FBXL17: variants seen among roughly 807,000 people sequenced by gnomAD.
FBXL17 encodes F-box and leucine rich repeat protein 17, also known as F-box/LRR-repeat protein 17.
FBXL17 carries 22 observed loss-of-function variants against 66.2 expected under a neutral mutation model. The ratio of observed to expected loss-of-function variants is 0.33; its 90% CI spans 0.24 to 0.47. The LOEUF is 0.47. Among genes scored for constraint, FBXL17 ranks in the 20% least tolerant of loss-of-function variants. The pLI is 1.00. For synonymous variants in FBXL17, 474 were observed against 400.5 expected (o/e 1.18, Z -2.19); for missense variants, 878 against 948.2 (o/e 0.93, Z 0.97).
chr5:107,892,178 T>A (rs1749216650), intron 7 of FBXL17, among the ~76,000 whole-genome samples: 1 of 152,154 alleles, frequency 6.6e-6, no homozygotes, highest in South Asian at 2.1e-4. Flanking sequence ...CTACTGAATG[T>A]GTATTGCTTT....
chr5:107,968,576 C>T (rs1447490075), intron 7 of FBXL17, among the ~76,000 whole-genome samples: 1 of 152,048 alleles, frequency 6.6e-6, no homozygotes, highest in Non-Finnish European at 1.5e-5. Context: ...AAATTTTGTT[C>T]TTACTTTTAA....
chr5:108,243,710 A>C (rs1159378489), intron 4 of FBXL17, among the ~76,000 whole-genome samples: 1 of 152,220 alleles, frequency 6.6e-6, no homozygotes. Flanking sequence ...ACGGTTAAAG[A>C]CTAAAAAAGA....
At chr5:108,330,495 G>A (rs959860157) in intron 4 of FBXL17, among the ~76,000 whole-genome samples, 2 of 151,876 alleles carry the variant, frequency 1.3e-5, no homozygotes, top group African/African-American at 4.8e-5. Context: ...AACCTTCTAG[G>A]CCAACTGTTT....
At chr5:108,074,901 C>T (rs2149912532) in intron 6 of FBXL17, among the ~76,000 whole-genome samples, 1 of 152,288 alleles carries the variant, frequency 6.6e-6, no homozygotes, top group Non-Finnish European at 1.5e-5. Flanking sequence ...CTACAGGAGG[C>T]TACTCCTTTC....
chr5:108,069,286 A>G (rs1027266517), intron 6 of FBXL17, among the ~76,000 whole-genome samples: 2 of 152,226 alleles, frequency 1.3e-5, no homozygotes, highest in African/African-American at 4.8e-5. Context: ...GGTGGATATC[A>G]AAGATTTAGG....
intron 6 of FBXL17, among the ~76,000 whole-genome samples, chr5:108,087,085 C>T (rs2149925519): frequency 6.6e-6 from 1 of 152,282 alleles, no homozygotes; most frequent in East Asian, 1.9e-4. Context: ...GTCCAGAACA[C>T]TCTGGTGAAT....
intron 3 of FBXL17, among the ~76,000 whole-genome samples, chr5:108,353,119 T>C (rs1747754196): frequency 6.6e-6 from 1 of 152,204 alleles, no homozygotes; most frequent in African/African-American, 2.4e-5. Flanking sequence ...TTTCTGGTTT[T>C]CAGTCTGGCA....
chr5:108,266,647 G>GA (rs1757057691), intron 4 of FBXL17, among the ~76,000 whole-genome samples: 1 of 151,892 alleles, frequency 6.6e-6, no homozygotes, highest in South Asian at 2.1e-4. Context: ...TTGGACTTAA[G>GA]AAAAAAATGG....
chr5:107,970,957 C>G (rs1236123329), intron 7 of FBXL17, among the ~76,000 whole-genome samples: 1 of 151,908 alleles, frequency 6.6e-6, no homozygotes, highest in Non-Finnish European at 1.5e-5. Context: ...ATGATATGCC[C>G]GACAGAATCT....
At chr5:108,322,939 T>C (rs568390887) in intron 4 of FBXL17, among the ~76,000 whole-genome samples, 22 of 152,100 alleles carry the variant, frequency 1.4e-4, no homozygotes, top group African/African-American at 5.3e-4. Flanking sequence ...AATGTGTACA[T>C]TGGATGTGAC....
intron 4 of FBXL17, among the ~76,000 whole-genome samples, chr5:108,294,999 A>C (rs185527290): frequency 6.6e-6 from 1 of 152,096 alleles, no homozygotes; most frequent in African/African-American, 2.4e-5. Flanking sequence ...TTTGTTCTTA[A>C]CAGTATTTAT....
intron 7 of FBXL17, among the ~76,000 whole-genome samples, chr5:107,916,240 A>G (rs776103031): frequency 6.6e-6 from 1 of 152,198 alleles, no homozygotes; most frequent in Non-Finnish European, 1.5e-5. Flanking sequence ...GGTTTTATGA[A>G]ATGTAAGGCC....
intron 4 of FBXL17, among the ~76,000 whole-genome samples, chr5:108,229,315 T>A (rs1160735951): frequency 3.9e-5 from 6 of 152,102 alleles, no homozygotes; most frequent in Non-Finnish European, 5.9e-5. Flanking sequence ...AAGTTCAAAC[T>A]ATACTGTAAG....
rs533806029 is a variant in FBXL17, at chr5:108,288,527, C to G, written c.1506+59872G>C. 3.4e-5 allele frequency among the ~76,000 whole-genome samples: 4 copies of G among 116,774 alleles called. No individual in the cohort carries two copies. In the South Asian group the frequency reaches 8.7e-4, roughly 25 times the overall value. The allele number at this position is 116,774 out of a possible 152,430, so 76.6% of individuals were successfully genotyped here. On this transcript the variant is annotated intron_variant, in intron 4 of 8. Transcript: ENST00000542267. ...GTTACAAAAAGGAGGGAAAACCGAA[C>G]ATAGTACATTATGTAGCTCTATTGC... is the stretch of plus-strand genomic sequence containing the variant.
intron 7 of FBXL17, among the ~76,000 whole-genome samples, chr5:107,896,856 AT>A (rs58525593): frequency 0.86 from 129,887 of 151,732 alleles, 55,966 homozygotes; most frequent in African/African-American, 0.96. Flanking sequence ...AAAATTTGGC[AT>A]TTTTTTTGTG....
chr5:108,241,174 C>G (rs1356296784), intron 4 of FBXL17, among the ~76,000 whole-genome samples: 1 of 152,172 alleles, frequency 6.6e-6, no homozygotes, highest in African/African-American at 2.4e-5. Context: ...AGTGATCAAT[C>G]CTTGTGAGAC....
chr5:108,323,252 C>G (rs962332999), intron 4 of FBXL17, among the ~76,000 whole-genome samples: 1 of 150,892 alleles, frequency 6.6e-6, no homozygotes, highest in Non-Finnish European at 1.5e-5. Flanking sequence ...ATGACTTCAG[C>G]AAAGTTGTAG....
intron 6 of FBXL17, among the ~76,000 whole-genome samples, chr5:108,133,658 A>G (rs1751021028): frequency 6.6e-6 from 1 of 152,158 alleles, no homozygotes; most frequent in Non-Finnish European, 1.5e-5. Context: ...AAAGGAAGGA[A>G]AAAACGTTGG....
chr5:107,868,451 C>T (rs545692312), intron 8 of FBXL17, among the ~76,000 whole-genome samples: 2 of 152,350 alleles, frequency 1.3e-5, no homozygotes, highest in East Asian at 1.9e-4. Context: ...TTGCATGAGA[C>T]TTTGAAGCAT....
Sources: gnomAD v4.1 joint callset for allele counts (sites outside exome capture counted in the v4.1 genomes callset) on GRCh38, gnomAD v4.1.1 for gene constraint, MANE v1.5 for transcripts, NCBI Gene and HGNC (gene_info 2026-07-23, HGNC 2026-07-21) for gene names.